Variants in NELL2 observed in about 807,000 individuals in gnomAD.
NELL2 encodes the protein protein kinase C-binding protein NELL2.
Under a neutral mutation model 109.6 loss-of-function variants are expected in NELL2, and 41 were observed. The observed-to-expected ratio is 0.37, with a 90% confidence interval of 0.29 to 0.49. The LOEUF (loss-of-function observed/expected upper bound fraction) is 0.49. NELL2 is among the 20% of genes least tolerant of loss of function. The pLI is 0.98. For missense variants in NELL2, 900 were observed against 1,008.3 expected, an observed-to-expected ratio of 0.89 and a Z score of 1.45; for synonymous variants, 355 against 344.7, an observed-to-expected ratio of 1.03 and a Z score of -0.33.
rs574408354 is a variant in NELL2 at position 44,704,571 on chromosome 12, T to A, written c.1190-717A>T. 5.9e-5 allele frequency among the ~76,000 whole-genome samples: 9 copies of A among 152,304 alleles called. 1 individual carries two copies. The South Asian group carries it at 1.9e-3, about 32-fold the overall frequency. ...GTGGCCTGAACCCCTTGTTCAAAGA[T>A]CATCTAAGATGCTGAAATGAAATCT... is the stretch of plus-strand genomic sequence containing the variant. On this transcript the variant is annotated intron_variant, in intron 11 of 19. Transcript: ENST00000429094.
chr12:44,723,082 G>A (rs1192785253), intron 9 of NELL2, among the ~76,000 whole-genome samples: 1 of 152,062 alleles, frequency 6.6e-6, no homozygotes, highest in Non-Finnish European at 1.5e-5. Flanking sequence ...CCAGCTACTT[G>A]GGAGACTGAG....
chr12:44,716,191 G>T (rs1938477877), intron 9 of NELL2, among the ~76,000 whole-genome samples: 2 of 152,008 alleles, frequency 1.3e-5, no homozygotes, highest in Admixed American at 6.6e-5. Flanking sequence ...CTATTTTAAA[G>T]TTGCACATTT....
At chr12:44,857,694 G>A (rs1818140852) in intron 2 of NELL2, among the ~76,000 whole-genome samples, 3 of 152,088 alleles carry the variant, frequency 2.0e-5, no homozygotes, top group Admixed American at 6.6e-5. Flanking sequence ...AATTATGTTG[G>A]GGTTGCTGTA....
chr12:44,610,154 G>A (rs569530231), intron 14 of NELL2, among the ~76,000 whole-genome samples: 54 of 151,172 alleles, frequency 3.6e-4, no homozygotes, highest in African/African-American at 9.7e-4. Flanking sequence ...TAACAAAGAA[G>A]CTAAAATAGG....
At chr12:44,698,818 T>C (rs541092426) in intron 12 of NELL2, among the ~76,000 whole-genome samples, 2 of 152,326 alleles carry the variant, frequency 1.3e-5, no homozygotes, top group Non-Finnish European at 2.9e-5. Flanking sequence ...ACTCTTCCTG[T>C]TCTTGGTATA....
At chr12:44,616,715 G>T (rs562131138) in intron 13 of NELL2, among the ~76,000 whole-genome samples, 1 of 152,192 alleles carries the variant, frequency 6.6e-6, no homozygotes, top group South Asian at 2.1e-4. Flanking sequence ...GGGTTTTACC[G>T]ATGTCCATCC....
chr12:44,820,699 A>G (rs1943514036), intron 2 of NELL2, among the ~76,000 whole-genome samples: 1 of 152,096 alleles, frequency 6.6e-6, no homozygotes. Context: ...AGGCAAAAGG[A>G]ATCCAGTTGA....
chr12:44,907,466 T>C (rs2136888200), intron 1 of NELL2, among the ~76,000 whole-genome samples: 1 of 152,204 alleles, frequency 6.6e-6, no homozygotes, highest in East Asian at 1.9e-4. Flanking sequence ...AAAATGAAGA[T>C]TGATATTTGG....
chr12:44,570,145 A>C (rs1463817313), intron 15 of NELL2, among the ~76,000 whole-genome samples: 1 of 152,196 alleles, frequency 6.6e-6, no homozygotes, highest in African/African-American at 2.4e-5. Context: ...TGTAATACGG[A>C]ATTATAGTTC....
intron 12 of NELL2, among the ~76,000 whole-genome samples, chr12:44,685,898 T>C (rs971250355): frequency 6.6e-6 from 1 of 152,114 alleles, no homozygotes; most frequent in African/African-American, 2.4e-5. Context: ...TGTGTCTTGG[T>C]GTTGCTCTTC....
chr12:44,518,853 T>C (rs533182443), intron 19 of NELL2, among the ~76,000 whole-genome samples: 2 of 152,352 alleles, frequency 1.3e-5, no homozygotes, highest in Admixed American at 6.5e-5. Context: ...CGCATATACA[T>C]TATTAGTAAC....
chr12:44,589,683 C>T lies in NELL2; in HGVS notation c.1663+17486G>A, dbSNP rs17094832. On this transcript the variant is annotated intron_variant, in intron 15 of 19. Coordinates refer to ENST00000429094, the MANE Select transcript of NELL2 (RefSeq NM_001145108.2). Reference sequence around the variant, plus strand: ...CATGAGAAGAGACACTACTTTTAAGCGATGCTTGCTAAAAGTGCATCCTTT... The same window carrying T: ...CATGAGAAGAGACACTACTTTTAAGTGATGCTTGCTAAAAGTGCATCCTTT... Among the ~76,000 whole-genome samples the T allele has an allele frequency of 6.2e-3, 948 of 152,228 alleles. 8 individuals carry two copies. Among genetic ancestry groups the T allele is most frequent in the African/African-American group, 0.021 (877 of 41,550 alleles).
At chr12:44,537,426 T>C (rs1344964594) in intron 15 of NELL2, among the ~76,000 whole-genome samples, 1 of 152,138 alleles carries the variant, frequency 6.6e-6, no homozygotes, top group Non-Finnish European at 1.5e-5. Context: ...TCTGCTCTTA[T>C]ATTGGATAAA....
intron 9 of NELL2, among the ~76,000 whole-genome samples, chr12:44,735,126 T>C (rs1348675275): frequency 6.6e-6 from 1 of 152,158 alleles, no homozygotes; most frequent in Non-Finnish European, 1.5e-5. Flanking sequence ...CTAGATCTCA[T>C]GTCTTCCTGT....
rs369391271 is a variant in NELL2 at position 44,516,317 on chromosome 12, TTTGA to T, written c.2400+3684_2400+3687del. Among the ~76,000 whole-genome samples the T allele has an allele frequency of 4.1e-4, 63 of 152,262 alleles. 2 individuals are homozygous for T. In the South Asian group the frequency reaches 0.012, roughly 29 times the overall value. ...GGCATGTATATAGCTTGTTTTATAC[TTTGA>T]TTATTTCTTTAGGTTAGATTCTCAG... On this transcript the variant is annotated intron_variant, in intron 19 of 19. Transcript: ENST00000429094.
At position 44,607,267 on chromosome 12, in the gene NELL2, A is replaced by T; in HGVS notation, c.1568-3T>A. ...CCTACAGCCATCTTTGCAAAATGCT[A>T]AAATAATTCAGATACATGATTTTAG... On this transcript the variant is annotated splice_polypyrimidine_tract_variant and splice_region_variant and intron_variant, in intron 14 of 19. Coordinates refer to ENST00000429094, the MANE Select transcript of NELL2 (RefSeq NM_001145108.2). The T allele has an allele frequency of 6.2e-7, 1 of 1,610,320 alleles. No homozygotes were observed. The highest frequency in any genetic ancestry group is 8.5e-7 in the Non-Finnish European group (1 of 1,178,004).
upstream of NELL2, among the ~76,000 whole-genome samples, chr12:44,915,905 C>T (rs1260843006): frequency 6.6e-6 from 1 of 152,200 alleles, no homozygotes; most frequent in Non-Finnish European, 1.5e-5. Context: ...TCATCAGTCC[C>T]TGCAATTTGT....
intron 13 of NELL2, among the ~76,000 whole-genome samples, chr12:44,650,579 A>C (rs1947265671): frequency 6.6e-6 from 1 of 151,990 alleles, no homozygotes; most frequent in Admixed American, 6.6e-5. Context: ...ACAGGTGTAA[A>C]CTACCGTGCC....
chr12:44,853,854 C>G (rs182556050), intron 2 of NELL2, among the ~76,000 whole-genome samples: 1 of 152,100 alleles, frequency 6.6e-6, no homozygotes, highest in Non-Finnish European at 1.5e-5. Context: ...AGGACATGTC[C>G]TCCTCCAAAC....
Sources: allele counts gnomAD v4.1 joint callset (sites outside exome capture counted in the v4.1 genomes callset), GRCh38; gene constraint gnomAD v4.1.1; transcripts MANE v1.5; gene names NCBI Gene and HGNC (gene_info 2026-07-23, HGNC 2026-07-21).